The following COL4A1 variants were observed in gnomAD, a reference collection of about 807,000 sequenced individuals.
COL4A1 encodes the protein collagen type IV alpha 1 chain, also known as collagen alpha-1(IV) chain.
Under a neutral mutation model 216.6 loss-of-function variants are expected in COL4A1, and 40 were observed. The ratio of observed to expected loss-of-function variants is 0.18; its 90% CI spans 0.14 to 0.24. The LOEUF (loss-of-function observed/expected upper bound fraction) is 0.24, where lower values mean the gene tolerates loss of function less well. Among genes scored for constraint, COL4A1 ranks in the 10% least tolerant of loss-of-function variants. The pLI is 1.00. For synonymous variants in COL4A1, 839 were observed against 810.7 expected (o/e 1.03, Z -0.59); for missense variants, 1,628 against 2,196.8 (o/e 0.74, Z 5.18).
At chr13:110,188,640 G>C (rs1426108808) in intron 24 of COL4A1, among the ~76,000 whole-genome samples, 2 of 152,226 alleles carry the variant, frequency 1.3e-5, no homozygotes, top group Non-Finnish European at 2.9e-5. Flanking sequence ...TTATGCCTGT[G>C]CCTCTGGAGT....
At chr13:110,186,360 G>A in intron 26 of COL4A1, 25 bp downstream of exon 26, 2 of 1,612,046 alleles carry the variant, frequency 1.2e-6, no homozygotes, top group Middle Eastern at 1.9e-4. Context: ...ACTTCATGCT[G>A]CATCACGAGT....
rs141265209 is a variant in COL4A1 at position 110,175,071 on chromosome 13, G to C, written c.3198+147C>G. The C allele has an allele frequency of 5.5e-4, 537 of 982,334 alleles. 10 individuals are homozygous for C. In the East Asian group the frequency reaches 0.013, roughly 24 times the overall value. The allele number at this position is 982,334 out of a possible 1,614,324, so 60.9% of individuals were successfully genotyped here. ...TTGGGGGAGAGGTAGTGAATACAAG[G>C]GGAAGGAGAGGCGACTTGTGCTGCC... On this transcript the variant is annotated intron_variant, in intron 37 of 51. Coordinates refer to ENST00000375820, the MANE Select transcript of COL4A1 (RefSeq NM_001845.6).
intron 50 of COL4A1, among the ~76,000 whole-genome samples, chr13:110,153,602 T>A (rs1305741573): frequency 6.6e-6 from 1 of 152,164 alleles, no homozygotes; most frequent in African/African-American, 2.4e-5. Context: ...TACATCATTG[T>A]TAGTGTCCTG....
rs1288698429 is a variant in COL4A1 at position 110,172,703 on chromosome 13, C to T, written c.3556+17G>A. Reference sequence around the variant, plus strand: ...AGCGGTTGGTTGAAAAGGAAGAGCACAGTGAGCAAAGATTACCTTTGTCTC... The same window carrying T: ...AGCGGTTGGTTGAAAAGGAAGAGCATAGTGAGCAAAGATTACCTTTGTCTC... On this transcript the variant is annotated intron_variant, in intron 41 of 51. Transcript: ENST00000375820. 1.2e-6 allele frequency: 2 copies of T among 1,612,468 alleles called. No individual in the cohort carries two copies. The highest frequency in any genetic ancestry group is 1.1e-5 in the South Asian group (1 of 91,056).
chr13:110,206,028 T>C, intron 15 of COL4A1, among the ~76,000 whole-genome samples: 1 of 150,770 alleles, frequency 6.6e-6, no homozygotes. Context: ...TGATGAATAA[T>C]TATGAAACAG....
chr13:110,205,101 A>G (rs1355065853), intron 17 of COL4A1, among the ~76,000 whole-genome samples: 1 of 152,192 alleles, frequency 6.6e-6, no homozygotes, highest in Admixed American at 6.5e-5. Context: ...CTATTGCTTT[A>G]TGATCAGGAA....
chr13:110,258,465 A>G lies in COL4A1; in HGVS notation c.85-15731T>C, dbSNP rs536603169. Among the ~76,000 whole-genome samples, 5 of 152,304 alleles carry G rather than the reference A, an allele frequency of 3.3e-5. No homozygotes were observed. The East Asian group carries it at 9.6e-4, about 29-fold the overall frequency. ...TAAGGCAGGAGAATCGCTTGAACCC[A>G]GGAGCCAGAGGTTGCAGTGAGCCAA... is the stretch of plus-strand genomic sequence containing the variant. On this transcript the variant is annotated intron_variant, in intron 1 of 51. Coordinates refer to ENST00000375820, the MANE Select transcript of COL4A1 (RefSeq NM_001845.6).
intron 2 of COL4A1, among the ~76,000 whole-genome samples, chr13:110,226,321 C>T (rs1880734678): frequency 6.6e-6 from 1 of 152,198 alleles, no homozygotes; most frequent in Admixed American, 6.5e-5. Flanking sequence ...ATAGAACATT[C>T]CATTTATTCT....
chr13:110,213,990 T>C lies in COL4A1; in HGVS notation c.170A>G (p.Gln57Arg), dbSNP rs1566380137. The C allele has an allele frequency of 1.2e-6, 2 of 1,614,018 alleles. No homozygotes were observed. Among genetic ancestry groups the C allele is most frequent in the Non-Finnish European group, 1.7e-6 (2 of 1,180,014 alleles). Reference sequence around the variant, plus strand: ...CATTCCAGGAAACCCAATGACACCTTGTAACCCCGGGAGGCCTCTTTCACC... The same window carrying C: ...CATTCCAGGAAACCCAATGACACCTCGTAACCCCGGGAGGCCTCTTTCACC... ...QKGERGLPGL[Q>R]GVIGFPGMQG... The change falls in exon 3 of 52, where the codon CAA becomes CGA. Residue 57 changes from glutamine (Q) to arginine (R), a missense_variant. By Grantham distance (43) the Gln-to-Arg change is conservative. This residue lies in a region of COL4A1 where 150 missense variants were observed against 211.9 expected (regional missense o/e 0.71). Coordinates refer to ENST00000375820, the MANE Select transcript of COL4A1 (RefSeq NM_001845.6).
At position 110,195,118 on chromosome 13, in the gene COL4A1, T is replaced by A. The variant is rs1423500153; in HGVS notation, c.1286A>T (p.Asn429Ile). 1 of 1,613,316 alleles carries A rather than the reference T, an allele frequency of 6.2e-7. No individual in the cohort carries two copies. Among genetic ancestry groups the A allele is most frequent in the Non-Finnish European group, 8.5e-7 (1 of 1,179,362 alleles). ...TCCGGGCTGACATTCCACAATTCCATCTGAAATTGAGTTGTCAGAGTTATA... is the reference window on the plus strand; with the variant it reads ...TCCGGGCTGACATTCCACAATTCCAACTGAAATTGAGTTGTCAGAGTTATA... Reference protein sequence around the residue: ...PGPPGQPGYTNGIVECQPGPP... With the variant: ...PGPPGQPGYTIGIVECQPGPP... Residue 429 changes from asparagine (N) to isoleucine (I), a missense_variant and splice_region_variant, in exon 22 of 52, where the codon AAT becomes ATT. Around this residue, in one of 8 missense-constraint regions of COL4A1, gnomAD observed 701 missense variants for 892.5 expected, o/e 0.79. Coordinates refer to ENST00000375820, the MANE Select transcript of COL4A1 (RefSeq NM_001845.6).
intron 1 of COL4A1, among the ~76,000 whole-genome samples, chr13:110,289,803 G>A (rs1432744926): frequency 2.0e-5 from 3 of 152,178 alleles, no homozygotes; most frequent in African/African-American, 7.2e-5. Flanking sequence ...CCGGATCCCA[G>A]GCTGCTCCTC....
chr13:110,194,917 G>T, intron 22 of COL4A1, 106 bp downstream of exon 22: 2 of 839,026 alleles, frequency 2.4e-6, no homozygotes, highest in Non-Finnish European at 4.1e-6. Context: ...AGGAACCTAC[G>T]CCCTAACTCT....
rs1879584265 is a variant in COL4A1 at position 110,207,798 on chromosome 13, G to A, written c.694-309C>T. Among the ~76,000 whole-genome samples the A allele has an allele frequency of 6.6e-6, 1 of 152,130 alleles. No homozygotes were observed. Among genetic ancestry groups the A allele is most frequent in the South Asian group, 2.1e-4 (1 of 4,824 alleles). On this transcript the variant is annotated intron_variant, in intron 12 of 51. Transcript: ENST00000375820. The surrounding 1 kb of genome is among the most constrained non-coding windows in gnomAD (Gnocchi z 4.4). Reference sequence around the variant, plus strand: ...GCGTGCCCCTGTATAGTGTATACTGGCTTCTGATGGCACGGAGGAAAGGAA... The same window carrying A: ...GCGTGCCCCTGTATAGTGTATACTGACTTCTGATGGCACGGAGGAAAGGAA...
At chr13:110,204,685 G>GT (rs1256103257) in intron 17 of COL4A1, among the ~76,000 whole-genome samples, 1 of 146,028 alleles carries the variant, frequency 6.8e-6, no homozygotes, top group Non-Finnish European at 1.5e-5. Context: ...CAACTAAAAG[G>GT]GCCCTGGTCT....
chr13:110,202,874 T>C (rs912896026), intron 18 of COL4A1, among the ~76,000 whole-genome samples: 2 of 152,322 alleles, frequency 1.3e-5, no homozygotes, highest in African/African-American at 4.8e-5. Context: ...ACAGATGACC[T>C]GTTTCTCTTA....
At chr13:110,183,160 G>A (rs373896903) in intron 27 of COL4A1, 24 bp downstream of exon 27, 531 of 1,612,960 alleles carry the variant, frequency 3.3e-4, no homozygotes, top group Non-Finnish European at 3.7e-4. Flanking sequence ...GTGGTATCCC[G>A]GTGAGCTGGA....
chr13:110,170,133 G>GGAAGGAAAGAAGGAAGGAAGGAAA (rs369562178), intron 42 of COL4A1, among the ~76,000 whole-genome samples: 16 of 64,468 alleles, frequency 2.5e-4, no homozygotes, highest in African/African-American at 6.3e-4. Flanking sequence ...AAGGAAGGAA[G>GGAAGGAAAGAAGGAAGGAAGGAAA]GAAGGAAGGA....
At chr13:110,257,538 T>G (rs1882632363) in intron 1 of COL4A1, among the ~76,000 whole-genome samples, 3 of 152,234 alleles carry the variant, frequency 2.0e-5, no homozygotes, top group Admixed American at 2.0e-4. Flanking sequence ...GTTGAACTTT[T>G]GCTGGTCAAA....
At chr13:110,177,180 C>T (rs1289231988) in intron 33 of COL4A1, 143 bp from the exon 34 acceptor site, 10 of 1,409,560 alleles carry the variant, frequency 7.1e-6, no homozygotes, top group Non-Finnish European at 9.6e-6. Flanking sequence ...CATTAATGGC[C>T]AGTGTCTGAG....
Sources: gnomAD v4.1 joint callset for allele counts (sites outside exome capture counted in the v4.1 genomes callset) on GRCh38, gnomAD v4.1.1 for gene constraint, gnomAD v4.1.1 regional missense constraint, Gnocchi (gnomAD v3.1) non-coding constraint, MANE v1.5 for transcripts, NCBI Gene and HGNC (gene_info 2026-07-23, HGNC 2026-07-21) for gene names.